IFI27L1: variants seen among roughly 807,000 people sequenced by gnomAD.
The protein encoded by IFI27L1 is interferon alpha inducible protein 27 like 1.
Under a neutral mutation model 9.2 loss-of-function variants are expected in IFI27L1, and 3 were observed. The observed-to-expected ratio is 0.32, with a 90% CI of 0.15 to 0.84. IFI27L1 has a LOEUF of 0.84. Ranked by LOEUF, IFI27L1 falls within the 40% of genes least tolerant of loss-of-function variation. The pLI is 0.56. For missense variants in IFI27L1, 133 were observed against 134.2 expected, an observed-to-expected ratio of 0.99 and a Z score of 0.05; for synonymous variants, 53 against 50.0, an observed-to-expected ratio of 1.06 and a Z score of -0.26.
rs116429561 is a variant in IFI27L1, at chr14:94,100,122, G to A, written c.29-617G>A. 2,275 of 230,138 alleles carry A rather than the reference G, an allele frequency of 9.9e-3. 54 individuals carry two copies. Among genetic ancestry groups the A allele is most frequent in the African/African-American group, 0.049 (2,107 of 42,970 alleles). 14.3% of individuals were successfully genotyped at this position (230,138 alleles called of 1,614,324 possible). On this transcript the variant is annotated intron_variant, in intron 2 of 4. Transcript: ENST00000555523. ...CAAGGAAATAAGAACTGAAAGACAC[G>A]TTTTTGGGAAATGTCATCTGAGTAG...
chr14:94,087,262 G>C (rs554767850), intron 1 of IFI27L1, among the ~76,000 whole-genome samples: 1 of 152,088 alleles, frequency 6.6e-6, no homozygotes, highest in Non-Finnish European at 1.5e-5. Context: ...ATGTGCTCAC[G>C]GAAGTATTTT....
chr14:94,097,048 A>G (rs1886699803), intron 2 of IFI27L1, 83 bp downstream of exon 2: 35 of 1,084,912 alleles, frequency 3.2e-5, no homozygotes, highest in Non-Finnish European at 4.6e-5. Context: ...ACACCAGATT[A>G]TGTCAACCCC....
chr14:94,089,234 G>C (rs1163896448), intron 1 of IFI27L1: 2 of 152,118 alleles, frequency 1.3e-5, no homozygotes, highest in African/African-American at 4.8e-5. Flanking sequence ...TAAAAGAATG[G>C]CCATTCCATA....
chr14:94,089,228 A>G (rs1366321527), intron 1 of IFI27L1: 1 of 152,254 alleles, frequency 6.6e-6, no homozygotes, highest in African/African-American at 2.4e-5. Context: ...AGGGAATAAA[A>G]GAATGGCCAT....
chr14:94,102,082 G>T, intron 4 of IFI27L1, 107 bp downstream of exon 4: 1 of 1,220,056 alleles, frequency 8.2e-7, no homozygotes, highest in South Asian at 1.3e-5. Context: ...CTGCCTCTTG[G>T]GCCCTTTGTC....
Position 94,102,616 on chromosome 14 carries a change from C to A in IFI27L1, c.*48C>A. 1 of 1,092,134 alleles carries A rather than the reference C, an allele frequency of 9.2e-7. No individual in the cohort carries two copies. The highest frequency in any genetic ancestry group is 1.3e-6 in the Non-Finnish European group (1 of 770,190). 67.7% of individuals were successfully genotyped at this position (1,092,134 alleles called of 1,614,324 possible). A position where few individuals can be genotyped will look rare whatever the true frequency, so the allele number is the denominator to read the frequency against. On this transcript the variant is annotated 3_prime_UTR_variant, in exon 5 of 5. Transcript: ENST00000555523. ...TGGCTCTCTTGGTGGAGATGACTTTCCTGGGCCTCTGGATGACAATCTTCC... is the reference window on the plus strand; with the variant it reads ...TGGCTCTCTTGGTGGAGATGACTTTACTGGGCCTCTGGATGACAATCTTCC...
chr14:94,086,432 A>G (rs1444767997), intron 1 of IFI27L1, among the ~76,000 whole-genome samples: 1 of 152,210 alleles, frequency 6.6e-6, no homozygotes, highest in Admixed American at 6.5e-5. Flanking sequence ...TTCCTTTACC[A>G]GTGTTTTGTA....
chr14:94,095,971 A>G (rs1224963487), intron 1 of IFI27L1, among the ~76,000 whole-genome samples: 3 of 152,194 alleles, frequency 2.0e-5, no homozygotes, highest in African/African-American at 7.2e-5. Context: ...TGAGAGCATA[A>G]GTGGGGGTAT....
intron 2 of IFI27L1, among the ~76,000 whole-genome samples, chr14:94,098,698 G>T (rs1157460061): frequency 6.6e-6 from 1 of 152,168 alleles, no homozygotes; most frequent in Non-Finnish European, 1.5e-5. Context: ...TGGGGACGTT[G>T]TAAGTCCAGT....
chr14:94,096,956 T>A lies in IFI27L1; in HGVS notation c.19T>A (p.Trp7Arg), dbSNP rs753373069. The change falls in exon 2 of 5, where the codon TGG becomes AGG. Residue 7 changes from tryptophan (W) to arginine (R), a missense_variant. Physicochemically the swap from Trp to Arg is moderately radical, Grantham distance 101. Transcript: ENST00000555523. ...GCCAACCATGGGAAAGGAGAGTGGA[T>A]GGGACTCAGGTGGGTACTGCACATG... is the stretch of plus-strand genomic sequence containing the variant. MGKESGWDSGRAAVAAV... is the reference protein window; with the variant it reads MGKESGRDSGRAAVAAV... The A allele has an allele frequency of 2.5e-6, 4 of 1,613,558 alleles. No individual in the cohort carries two copies. In the South Asian group the frequency reaches 4.4e-5, roughly 18 times the overall value.
At chr14:94,096,493 A>G (rs568204666) in intron 1 of IFI27L1, among the ~76,000 whole-genome samples, 23 of 152,318 alleles carry the variant, frequency 1.5e-4, no homozygotes, top group African/African-American at 5.3e-4. Context: ...CAGGGATTCG[A>G]GACCAGCCTG....
intron 4 of IFI27L1, 48 bp downstream of exon 4, chr14:94,102,023 C>G (rs201602028): frequency 6.2e-7 from 1 of 1,607,180 alleles, no homozygotes; most frequent in African/African-American, 1.3e-5. Flanking sequence ...GATCCAGCCC[C>G]GAGGCTGAAC....
intron 1 of IFI27L1, chr14:94,089,100 CTG>C (rs1886382410): frequency 6.6e-6 from 1 of 152,140 alleles, no homozygotes; most frequent in Non-Finnish European, 1.5e-5. Flanking sequence ...TCATGGCTCA[CTG>C]CAGCTGTTAC....
chr14:94,087,733 G>T (rs117615903), intron 1 of IFI27L1, among the ~76,000 whole-genome samples: 3 of 147,330 alleles, frequency 2.0e-5, no homozygotes, highest in East Asian at 2.0e-4. Context: ...GCCGATTGTC[G>T]TTTTTTTTTT....
rs1352120794 is a variant in IFI27L1 at position 94,102,477 on chromosome 14, G to A, written c.224G>A (p.Gly75Glu). 6.3e-7 allele frequency: 1 copy of A among 1,575,834 alleles called. No individual in the cohort carries two copies. Among genetic ancestry groups the A allele is most frequent in the Non-Finnish European group, 8.6e-7 (1 of 1,161,776 alleles). ...GSLVAILQSV[G>E]AAGLSVTSKV... The stretch of plus-strand genomic sequence containing the variant: ...GTGCTCACCCTCTCTTCTCCCCCAG[G>A]GGCAGCTGGACTCTCTGTGACATCT... The change falls in exon 5 of 5, where the codon GGG (glycine) becomes GAG (glutamate). Residue 75 changes from glycine to glutamate, a missense_variant and splice_region_variant. Transcript: ENST00000555523.
chr14:94,100,169 G>T (rs1469935535), intron 2 of IFI27L1: 6 of 489,706 alleles, frequency 1.2e-5, no homozygotes, highest in Non-Finnish European at 1.6e-5. Flanking sequence ...ATCAAGACAG[G>T]TCAGGAGTCG....
chr14:94,099,551 C>T (rs1886815253), intron 2 of IFI27L1, among the ~76,000 whole-genome samples: 1 of 152,130 alleles, frequency 6.6e-6, no homozygotes, highest in Non-Finnish European at 1.5e-5. Context: ...GAAGGAGGCA[C>T]AGGAGGACCC....
At chr14:94,082,909 T>C (rs1886158728) in intron 1 of IFI27L1, among the ~76,000 whole-genome samples, 1 of 152,242 alleles carries the variant, frequency 6.6e-6, no homozygotes, top group Non-Finnish European at 1.5e-5. Context: ...GATCAAGAAG[T>C]AATTTTGCAT....
intron 3 of IFI27L1, 25 bp from the exon 4 acceptor site, chr14:94,101,789 A>G (rs538099802): frequency 4.3e-6 from 7 of 1,613,466 alleles, no homozygotes; most frequent in Non-Finnish European, 5.9e-6. Context: ...CCATGGGGCC[A>G]ACCCCAAATC....
Sources: allele counts gnomAD v4.1 joint callset (sites outside exome capture counted in the v4.1 genomes callset), GRCh38; gene constraint gnomAD v4.1.1; transcripts MANE v1.5; gene names NCBI Gene and HGNC (gene_info 2026-07-23, HGNC 2026-07-21).